The following ITPR2 variants were observed in gnomAD, a reference collection of about 807,000 sequenced individuals.
ITPR2 encodes inositol 1,4,5-trisphosphate-gated calcium channel ITPR2.
ITPR2 carries 207 observed loss-of-function variants against 317.1 expected under a neutral mutation model. That is an observed-to-expected ratio of 0.65 (90% CI 0.58 to 0.73). The LOEUF is 0.73. ITPR2 is among the 30% of genes least tolerant of loss of function. The pLI is 0.00. For synonymous variants in ITPR2, 1,156 were observed against 1,149.1 expected, an observed-to-expected ratio of 1.01 and a Z score of -0.12; for missense variants, 2,613 against 3,284.0, an observed-to-expected ratio of 0.80 and a Z score of 4.99.
intron 13 of ITPR2, among the ~76,000 whole-genome samples, chr12:26,676,802 G>C (rs567625966): frequency 2.0e-5 from 3 of 151,954 alleles, no homozygotes; most frequent in Non-Finnish European, 4.4e-5. Flanking sequence ...ATGTTTCTTT[G>C]TCTTAAAAAA....
In ITPR2 at chr12:26,641,322, T is replaced by C. The variant is rs116276614; in HGVS notation, c.2741-9263A>G. On this transcript the variant is annotated intron_variant, in intron 21 of 56. Transcript: ENST00000381340. Reference sequence around the variant, plus strand: ...ACTCTTTCGTAGATATGTACTACATTGTGCTGAACTTTCTTGGGAAACTTG... The same window carrying C: ...ACTCTTTCGTAGATATGTACTACATCGTGCTGAACTTTCTTGGGAAACTTG... Among the ~76,000 whole-genome samples the C allele has an allele frequency of 9.0e-3, 1,368 of 152,248 alleles. 24 individuals carry two copies. Among genetic ancestry groups the C allele is most frequent in the African/African-American group, 0.032 (1,316 of 41,568 alleles).
intron 37 of ITPR2, among the ~76,000 whole-genome samples, chr12:26,511,862 T>A (rs1943357208): frequency 6.6e-6 from 1 of 152,146 alleles, no homozygotes; most frequent in Non-Finnish European, 1.5e-5. Context: ...CTGTCCACCA[T>A]TTTCGCCCTC....
At position 26,561,916 on chromosome 12, in the gene ITPR2, T is replaced by C; in HGVS notation, c.4667A>G (p.Asp1556Gly). The C allele has an allele frequency of 6.5e-7, 1 of 1,541,314 alleles. No homozygotes were observed. The highest frequency in any genetic ancestry group is 1.3e-5 in the South Asian group (1 of 77,252). ...CATGAAAAGAGTATTAACTTGGCTGTCCAAATCCACTGGAATGGCAATTCC... is the reference window on the plus strand; with the variant it reads ...CATGAAAAGAGTATTAACTTGGCTGCCCAAATCCACTGGAATGGCAATTCC... ...NRGIAIPVDL[D>G]SQVNTLFMKS... The change falls in exon 35 of 57, where the codon GAC becomes GGC. Residue 1556 changes from aspartate (D) to glycine (G), a missense_variant. By Grantham distance (94) the Asp-to-Gly change is moderately conservative (BLOSUM62 -1). Transcript: ENST00000381340.
At chr12:26,521,891 A>G (rs1399431960) in intron 37 of ITPR2, among the ~76,000 whole-genome samples, 1 of 152,146 alleles carries the variant, frequency 6.6e-6, no homozygotes, top group Non-Finnish European at 1.5e-5. Flanking sequence ...CATTAAACCA[A>G]CTCTGAATTC....
intron 9 of ITPR2, among the ~76,000 whole-genome samples, chr12:26,710,410 C>T (rs1379361171): frequency 1.3e-5 from 2 of 152,120 alleles, no homozygotes; most frequent in South Asian, 2.1e-4. Flanking sequence ...TCTCCAAATG[C>T]ATCTCATATA....
At chr12:26,658,196 GAC>G in intron 16 of ITPR2, 66 bp from the exon 17 acceptor site, 2 of 1,117,454 alleles carry the variant, frequency 1.8e-6, no homozygotes, top group Non-Finnish European at 2.4e-6. Flanking sequence ...TCACAATAAA[GAC>G]ATAATTTGGA....
At chr12:26,413,577 T>C (rs1233884538) in intron 51 of ITPR2, among the ~76,000 whole-genome samples, 1 of 152,230 alleles carries the variant, frequency 6.6e-6, no homozygotes, top group African/African-American at 2.4e-5. Flanking sequence ...GTGTTTTTCC[T>C]AGGGCATCAT....
At chr12:26,727,078 G>A (rs1213581009) in intron 2 of ITPR2, among the ~76,000 whole-genome samples, 1 of 152,170 alleles carries the variant, frequency 6.6e-6, no homozygotes, top group African/African-American at 2.4e-5. Flanking sequence ...CACAATTACA[G>A]TATGATACAG....
At chr12:26,830,751 T>G (rs1198154213) in intron 1 of ITPR2, among the ~76,000 whole-genome samples, 1 of 152,244 alleles carries the variant, frequency 6.6e-6, no homozygotes, top group African/African-American at 2.4e-5. Context: ...CTATTCCTAG[T>G]CCTTGTTATT....
chr12:26,685,855 T>C (rs1230237317), intron 11 of ITPR2, among the ~76,000 whole-genome samples: 1 of 152,188 alleles, frequency 6.6e-6, no homozygotes, highest in Non-Finnish European at 1.5e-5. Context: ...TTCAGATCGT[T>C]ATTCAAATGT....
chr12:26,686,621 G>C lies in ITPR2; in HGVS notation c.1008C>G (p.Val336=). The C allele has an allele frequency of 6.2e-7, 1 of 1,607,436 alleles. No individual in the cohort carries two copies. The highest frequency in any genetic ancestry group is 8.5e-7 in the Non-Finnish European group (1 of 1,176,982). Residue 336 remains valine, a synonymous_variant, in exon 11 of 57, where the codon GTC becomes GTG. Transcript: ENST00000381340. ...QNEGKNVRDG[V]PPTSKKKRQA... ...GGCGTTTTTTCTTTGAAGTTGGAGGGACTCCATCTCTCTGTTGAGGAAGTA... is the reference window on the plus strand; with the variant it reads ...GGCGTTTTTTCTTTGAAGTTGGAGGCACTCCATCTCTCTGTTGAGGAAGTA...
At chr12:26,519,515 T>G (rs1943612061) in intron 37 of ITPR2, among the ~76,000 whole-genome samples, 1 of 152,224 alleles carries the variant, frequency 6.6e-6, no homozygotes, top group Non-Finnish European at 1.5e-5. Flanking sequence ...AGATGCTTCT[T>G]TAACAAAATA....
chr12:26,832,723 TC>T lies in ITPR2; in HGVS notation c.58del (p.Glu20ArgfsTer13), dbSNP rs1951137046. 3 of 1,600,150 alleles carry T rather than the reference TC, an allele frequency of 1.9e-6. No individual in the cohort carries two copies. Among genetic ancestry groups the T allele is most frequent in the Non-Finnish European group, 2.6e-6 (3 of 1,174,310 alleles). ...YIGDIVSLYA[E>X]GSVNGFISTL... The stretch of plus-strand genomic sequence containing the variant: ...GCTGATGAAGCCGTTGACCGAGCCC[TC>T]CGCGTACAGGGACACGATGTCCCCT... On this transcript the variant is annotated frameshift_variant, in exon 1 of 57. Coordinates refer to ENST00000381340, the MANE Select transcript of ITPR2 (RefSeq NM_002223.4). LOFTEE classifies it high-confidence loss of function.
intron 34 of ITPR2, among the ~76,000 whole-genome samples, chr12:26,576,980 C>T (rs908269251): frequency 3.3e-5 from 5 of 152,164 alleles, no homozygotes; most frequent in African/African-American, 1.2e-4. Context: ...AGCCCCCTTC[C>T]TTTCACTCTC....
At chr12:26,540,531 A>T (rs182356208) in intron 37 of ITPR2, among the ~76,000 whole-genome samples, 2 of 152,292 alleles carry the variant, frequency 1.3e-5, no homozygotes, top group Admixed American at 6.5e-5. Flanking sequence ...CAAATGTCCT[A>T]TACTTACTAG....
chr12:26,392,631 AAG>A (rs1591985806), intron 54 of ITPR2, among the ~76,000 whole-genome samples: 1 of 152,340 alleles, frequency 6.6e-6, no homozygotes, highest in South Asian at 2.1e-4. Context: ...ATAAATGAAT[AAG>A]AGAGACTGAA....
chr12:26,424,586 G>GTTTTTTTTTTT (rs775756580), intron 49 of ITPR2, among the ~76,000 whole-genome samples: 15 of 88,730 alleles, frequency 1.7e-4, no homozygotes, highest in East Asian at 6.8e-4. Context: ...TTCGTTTTGT[G>GTTTTTTTTTTT]TTTTTTTTTT....
intron 55 of ITPR2, among the ~76,000 whole-genome samples, chr12:26,351,751 T>A (rs1938491569): frequency 6.6e-6 from 1 of 152,204 alleles, no homozygotes; most frequent in Non-Finnish European, 1.5e-5. Flanking sequence ...TTTCCTGTGT[T>A]TTTCTTTTCC....
intron 36 of ITPR2, among the ~76,000 whole-genome samples, chr12:26,550,690 TTTATA>T (rs66543473): frequency 0.36 from 52,504 of 147,324 alleles, 11,291 homozygotes; most frequent in Non-Finnish European, 0.5. Flanking sequence ...AATACAAATA[TTTATA>T]TTATATTACA....
Sources: gnomAD v4.1 joint callset for allele counts (sites outside exome capture counted in the v4.1 genomes callset) on GRCh38, gnomAD v4.1.1 for gene constraint, MANE v1.5 for transcripts, NCBI Gene and HGNC (gene_info 2026-07-23, HGNC 2026-07-21) for gene names.